DENND1B: variants seen among roughly 807,000 people sequenced by gnomAD.
DENND1B encodes DENN domain-containing protein 1B.
Under a neutral mutation model 90.1 loss-of-function variants are expected in DENND1B, and 59 were observed. The observed-to-expected ratio is 0.65, with a 90% CI of 0.53 to 0.81. DENND1B has a LOEUF of 0.81. Ranked by LOEUF, DENND1B falls within the 40% of genes least tolerant of loss-of-function variation. The pLI, the probability that DENND1B is intolerant of heterozygous loss-of-function variation, is 0.00. For synonymous variants in DENND1B, 337 were observed against 324.6 expected (o/e 1.04, Z -0.41); for missense variants, 862 against 912.6 (o/e 0.94, Z 0.71).
At chr1:197,750,692 A>G (rs1391219973) in intron 2 of DENND1B, among the ~76,000 whole-genome samples, 15 of 152,188 alleles carry the variant, frequency 9.9e-5, no homozygotes. Flanking sequence ...ACTAATTATG[A>G]GGAAGGCAGA....
At chr1:197,578,541 G>A (rs888778377) in intron 15 of DENND1B, among the ~76,000 whole-genome samples, 7 of 152,056 alleles carry the variant, frequency 4.6e-5, no homozygotes, top group South Asian at 2.1e-4. Flanking sequence ...CACTGTGCCC[G>A]GCCTAAAAAA....
chr1:197,569,915 G>C (rs1038246932), intron 15 of DENND1B, among the ~76,000 whole-genome samples: 4 of 152,012 alleles, frequency 2.6e-5, no homozygotes, highest in Non-Finnish European at 5.9e-5. Flanking sequence ...ATTGCTAGGA[G>C]AGTAGATTTT....
intron 3 of DENND1B, among the ~76,000 whole-genome samples, chr1:197,686,970 C>T (rs193051481): frequency 2.4e-4 from 36 of 152,284 alleles, no homozygotes; most frequent in African/African-American, 8.2e-4. Flanking sequence ...CCTCTCTTTG[C>T]TTCAATTTCC....
intron 7 of DENND1B, 139 bp downstream of exon 7, chr1:197,652,095 CT>C (rs1653277800): frequency 1.6e-6 from 1 of 642,130 alleles, no homozygotes. Context: ...ATATTATCAC[CT>C]TGTTATGTTA....
chr1:197,778,291 T>C (rs1273607937), upstream of DENND1B, among the ~76,000 whole-genome samples: 1 of 152,230 alleles, frequency 6.6e-6, no homozygotes, highest in Non-Finnish European at 1.5e-5. Flanking sequence ...TTCAAATTTA[T>C]CTAAAATTTT....
Position 197,652,387 on chromosome 1 carries a change from A to G in DENND1B, c.367-72T>C, listed in dbSNP as rs556152900. On this transcript the variant is annotated intron_variant, in intron 6 of 22. Transcript: ENST00000620048. ...GCAACTGCAATTAAAACTATTTGAT[A>G]AAATAATCTACTATGGCTTTTCATA... The G allele has an allele frequency of 8.4e-6, 10 of 1,192,522 alleles. No individual in the cohort carries two copies. The African/African-American group carries it at 1.1e-4, about 13-fold the overall frequency. The allele number at this position is 1,192,522 out of a possible 1,614,324, so 73.9% of individuals were successfully genotyped here. A position where few individuals can be genotyped will look rare whatever the true frequency, so the allele number is the denominator to read the frequency against.
At chr1:197,738,980 A>C (rs1662967543) in intron 2 of DENND1B, among the ~76,000 whole-genome samples, 1 of 152,214 alleles carries the variant, frequency 6.6e-6, no homozygotes, top group Non-Finnish European at 1.5e-5. Context: ...AAGAGAACAG[A>C]GACGAAGCTG....
chr1:197,640,877 C>G (rs1045972301), intron 10 of DENND1B, among the ~76,000 whole-genome samples: 1 of 152,040 alleles, frequency 6.6e-6, no homozygotes, highest in Non-Finnish European at 1.5e-5. Context: ...AAACCCAAGG[C>G]AGGAGGATCC....
chr1:197,689,869 T>G (rs1345175450), intron 3 of DENND1B: 1 of 152,782 alleles, frequency 6.5e-6, no homozygotes, highest in African/African-American at 2.4e-5. Flanking sequence ...TATGCTGGAG[T>G]CAAGTGCTAA....
chr1:197,645,882 G>GAATCTCTC, intron 8 of DENND1B, 139 bp from the exon 9 acceptor site: 1 of 510,256 alleles, frequency 2.0e-6, no homozygotes, highest in Non-Finnish European at 3.3e-6. Flanking sequence ...TTGAATTTGA[G>GAATCTCTC]AGATTCTTAA....
At chr1:197,665,955 A>T (rs1654897220) in intron 5 of DENND1B, among the ~76,000 whole-genome samples, 1 of 152,178 alleles carries the variant, frequency 6.6e-6, no homozygotes, top group Non-Finnish European at 1.5e-5. Flanking sequence ...TAATCAAGCC[A>T]TTATTATCTC....
chr1:197,541,581 T>C (rs1223000993), intron 18 of DENND1B, among the ~76,000 whole-genome samples: 1 of 152,188 alleles, frequency 6.6e-6, no homozygotes, highest in African/African-American at 2.4e-5. Flanking sequence ...GCATTTGAGT[T>C]TCTCACATCC....
chr1:197,759,966 C>A (rs918587857), intron 2 of DENND1B, among the ~76,000 whole-genome samples: 7 of 151,894 alleles, frequency 4.6e-5, no homozygotes, highest in Non-Finnish European at 1.0e-4. Context: ...TTAAAAAGAT[C>A]GACTTTAATC....
At chr1:197,769,249 A>G (rs1480319783) in intron 2 of DENND1B, among the ~76,000 whole-genome samples, 1 of 152,220 alleles carries the variant, frequency 6.6e-6, no homozygotes, top group Non-Finnish European at 1.5e-5. Context: ...ATTCATTGCC[A>G]ATTTAAATAA....
chr1:197,588,235 T>C (rs907699637), intron 14 of DENND1B, among the ~76,000 whole-genome samples: 1 of 152,198 alleles, frequency 6.6e-6, no homozygotes, highest in African/African-American at 2.4e-5. Context: ...ATGGATGAAA[T>C]ACAGCTGTTT....
intron 20 of DENND1B, among the ~76,000 whole-genome samples, chr1:197,514,397 GTAGA>G (rs1398627234): frequency 1.3e-5 from 2 of 151,482 alleles, no homozygotes; most frequent in Non-Finnish European, 3.0e-5. Context: ...CCCATTATTA[GTAGA>G]TACTTGATGT....
intron 2 of DENND1B, chr1:197,736,234 C>A: frequency 7.4e-6 from 3 of 407,302 alleles, no homozygotes; most frequent in Non-Finnish European, 1.4e-5. Context: ...CAGATTCCAA[C>A]TTTTATTGAA....
chr1:197,766,425 TTTA>T (rs1655708349), intron 2 of DENND1B, among the ~76,000 whole-genome samples: 1 of 152,248 alleles, frequency 6.6e-6, no homozygotes, highest in Non-Finnish European at 1.5e-5. Flanking sequence ...CCTAAACTAC[TTTA>T]TTATCTGTAT....
At chr1:197,558,526 C>T (rs1242885882) in intron 15 of DENND1B, among the ~76,000 whole-genome samples, 2 of 151,688 alleles carry the variant, frequency 1.3e-5, no homozygotes, top group African/African-American at 4.8e-5. Flanking sequence ...TGTTACATAA[C>T]ACCAGAGGCC....
Sources: allele counts gnomAD v4.1 joint callset (sites outside exome capture counted in the v4.1 genomes callset), GRCh38; gene constraint gnomAD v4.1.1; transcripts MANE v1.5; gene names NCBI Gene and HGNC (gene_info 2026-07-23, HGNC 2026-07-21).